BATF: variants seen among roughly 807,000 people sequenced by gnomAD.
The protein encoded by BATF is basic leucine zipper ATF-like transcription factor, also known as basic leucine zipper transcriptional factor ATF-like.
BATF carries 5 observed loss-of-function variants against 13.7 expected under a neutral mutation model. That is an observed-to-expected ratio of 0.36 (90% confidence interval 0.19 to 0.77). The LOEUF is 0.77. Ranked by LOEUF, BATF falls within the 30% of genes least tolerant of loss-of-function variation. The probability of loss-of-function intolerance (pLI) is 0.51; values close to 1 mark genes in which losing one functional copy is unlikely to be tolerated. For missense variants in BATF, 124 were observed against 163.0 expected (o/e 0.76, Z 1.30); for synonymous variants, 72 against 67.5 (o/e 1.07, Z -0.33).
chr14:75,539,123 A>G (rs1383721122), intron 2 of BATF, among the ~76,000 whole-genome samples: 1 of 152,220 alleles, frequency 6.6e-6, no homozygotes, highest in African/African-American at 2.4e-5. Context: ...TCATGTAACA[A>G]GAAGTTCAAA....
At chr14:75,545,497 A>G (rs555944301) in intron 2 of BATF, among the ~76,000 whole-genome samples, 67 of 151,056 alleles carry the variant, frequency 4.4e-4, no homozygotes, top group African/African-American at 1.5e-3. Context: ...CGCCTCCCAA[A>G]ATGCTAGGAT....
At chr14:75,544,778 C>T (rs888501086) in intron 2 of BATF, among the ~76,000 whole-genome samples, 1 of 131,906 alleles carries the variant, frequency 7.6e-6, no homozygotes, top group African/African-American at 2.7e-5. Flanking sequence ...TATCAGGTTG[C>T]CTTTTGAACT....
chr14:75,523,260 GA>G (rs1268435490), intron 1 of BATF, among the ~76,000 whole-genome samples: 2 of 151,652 alleles, frequency 1.3e-5, no homozygotes, highest in African/African-American at 4.8e-5. Context: ...AGGAGGAGGA[GA>G]AACCCAGGCT....
In BATF at chr14:75,525,659, C is replaced by CAAA. The variant is rs35718974; in HGVS notation, c.168+488_168+490dup. On this transcript the variant is annotated intron_variant, in intron 2 of 2. Coordinates refer to ENST00000286639, the MANE Select transcript of BATF (RefSeq NM_006399.5). ...GGGTGATAGGAGTGAAACTTCATCT[C>CAAA]AAAAAAAAAAAAAAAAAAATAGAAG... is the stretch of plus-strand genomic sequence containing the variant. Among the ~76,000 whole-genome samples the CAAA allele has an allele frequency of 8.9e-4, 94 of 105,484 alleles. 2 individuals carry two copies. In the South Asian group the frequency reaches 0.025, roughly 29 times the overall value. The allele number at this position is 105,484 out of a possible 152,430, so 69.2% of individuals were successfully genotyped here.
chr14:75,532,017 C>A (rs1419269338), intron 2 of BATF, among the ~76,000 whole-genome samples: 3 of 152,294 alleles, frequency 2.0e-5, no homozygotes, highest in East Asian at 1.9e-4. Context: ...TAAGAAAAAA[C>A]CATGTTAATT....
chr14:75,541,134 AT>A (rs941599542), intron 2 of BATF, among the ~76,000 whole-genome samples: 1 of 152,138 alleles, frequency 6.6e-6, no homozygotes, highest in Non-Finnish European at 1.5e-5. Flanking sequence ...AACCTAGGCT[AT>A]TTTTTTAAAA....
intron 2 of BATF, among the ~76,000 whole-genome samples, chr14:75,542,275 A>G (rs1887907912): frequency 6.6e-6 from 1 of 152,204 alleles, no homozygotes; most frequent in South Asian, 2.1e-4. Context: ...GACCTTCCCT[A>G]TCCCACACAG....
chr14:75,546,469 A>G lies in BATF; in HGVS notation c.176A>G (p.Glu59Gly). The change falls in exon 3 of 3, where the codon GAA becomes GGA. Residue 59 changes from glutamate to glycine, a missense_variant. By Grantham distance (98) the Glu-to-Gly change is moderately conservative. Transcript: ENST00000286639. ...TGATCCCCACCCCTACAGGAGAGCG[A>G]AGACCTGGAGAAACAGAACGCGGCT... ...QKADTLHLES[E>G]DLEKQNAALR... is the part of the protein sequence containing the mutation. 1.2e-6 allele frequency: 2 copies of G among 1,614,136 alleles called. No individual in the cohort carries two copies. Among genetic ancestry groups the G allele is most frequent in the Non-Finnish European group, 1.7e-6 (2 of 1,180,014 alleles).
In BATF at chr14:75,546,941, A is replaced by T. The variant is rs958918650; in HGVS notation, c.*270A>T. ...AAGATGCTCAAGTCCCATGGCACAG[A>T]GCAAGGCGGGCAGGGAACGGTTATT... On this transcript the variant is annotated 3_prime_UTR_variant, in exon 3 of 3. Transcript: ENST00000286639. 3 of 703,740 alleles carry T rather than the reference A, an allele frequency of 4.3e-6. No homozygotes were observed. In the African/African-American group the frequency reaches 5.2e-5, roughly 12 times the overall value. The allele number at this position is 703,740 out of a possible 1,614,324, so 43.6% of individuals were successfully genotyped here.
chr14:75,532,685 T>C (rs1887754440), intron 2 of BATF, among the ~76,000 whole-genome samples: 1 of 152,202 alleles, frequency 6.6e-6, no homozygotes, highest in Admixed American at 6.5e-5. Flanking sequence ...CAACAGAAGA[T>C]GAAGCATATT....
In BATF at chr14:75,543,707, C is replaced by T. The variant is rs117763876; in HGVS notation, c.169-2755C>T. Reference sequence around the variant, plus strand: ...TCTTTTATTTTTATTATTGTAGATACTGGGTCTCAATAATGTTGCACAGGC... The same window carrying T: ...TCTTTTATTTTTATTATTGTAGATATTGGGTCTCAATAATGTTGCACAGGC... On this transcript the variant is annotated intron_variant, in intron 2 of 2. Transcript: ENST00000286639. Among the ~76,000 whole-genome samples the T allele has an allele frequency of 2.8e-3, 429 of 151,874 alleles. 3 individuals are homozygous for T. The highest frequency in any genetic ancestry group is 8.7e-3 in the African/African-American group (362 of 41,388).
At chr14:75,522,795 G>C in intron 1 of BATF, 50 bp downstream of exon 1, 1 of 1,608,846 alleles carries the variant, frequency 6.2e-7, no homozygotes, top group South Asian at 1.1e-5. Context: ...CCTGGGGGAT[G>C]GAAAGAGAGC....
rs537944421 is a variant in BATF at position 75,522,824 on chromosome 14, C to T, written c.63+79C>T. ...AGAGAGCCAGGCTTCCTTGTCCTGC[C>T]CAGGGAGCTGAGGATGGAGGAAGTG... On this transcript the variant is annotated intron_variant, in intron 1 of 2. Coordinates refer to ENST00000286639, the MANE Select transcript of BATF (RefSeq NM_006399.5). The T allele has an allele frequency of 5.7e-6, 9 of 1,572,564 alleles. No homozygotes were observed. The East Asian group carries it at 2.0e-4, about 35-fold the overall frequency.
intron 1 of BATF, 23 bp downstream of exon 1, chr14:75,522,768 T>C: frequency 6.2e-7 from 1 of 1,613,694 alleles, no homozygotes; most frequent in Non-Finnish European, 8.5e-7. Flanking sequence ...TTTTTCTCTC[T>C]CCTACCTTCT....
At chr14:75,531,741 A>G (rs145665303) in intron 2 of BATF, among the ~76,000 whole-genome samples, 37 of 152,316 alleles carry the variant, frequency 2.4e-4, no homozygotes, top group African/African-American at 8.9e-4. Context: ...TTGGAGAAAA[A>G]TTGAGTAATG....
At chr14:75,525,289 T>C (rs1887634613) in intron 2 of BATF, 101 bp downstream of exon 2, 2 of 1,265,470 alleles carry the variant, frequency 1.6e-6, no homozygotes, top group South Asian at 2.6e-5. Context: ...TGTGTGGGGA[T>C]GTGTATGTGG....
intron 2 of BATF, among the ~76,000 whole-genome samples, chr14:75,528,077 TG>T (rs1160784947): frequency 6.6e-6 from 1 of 152,252 alleles, no homozygotes; most frequent in African/African-American, 2.4e-5. Context: ...AAAAGTCTTC[TG>T]GTTTACCACC....
intron 1 of BATF, 130 bp downstream of exon 1, chr14:75,522,875 A>C: frequency 9.3e-7 from 1 of 1,078,524 alleles, no homozygotes; most frequent in Admixed American, 2.1e-5. Context: ...ACTCTGTTAG[A>C]CTTAGGACAT....
intron 1 of BATF, among the ~76,000 whole-genome samples, chr14:75,523,689 T>G (rs1003224580): frequency 5.3e-5 from 8 of 152,212 alleles, no homozygotes; most frequent in African/African-American, 1.9e-4. Flanking sequence ...CTTCATAGTT[T>G]AAAAACTTCA....
Sources: allele counts gnomAD v4.1 joint callset (sites outside exome capture counted in the v4.1 genomes callset), GRCh38; gene constraint gnomAD v4.1.1; transcripts MANE v1.5; gene names NCBI Gene and HGNC (gene_info 2026-07-23, HGNC 2026-07-21).